The following EPS15 variants were observed in gnomAD, a reference collection of about 807,000 sequenced individuals.
EPS15 encodes the protein epidermal growth factor receptor pathway substrate 15, also known as epidermal growth factor receptor substrate 15.
A neutral mutation model predicts 113.8 loss-of-function variants in EPS15; 72 were observed. That is an observed-to-expected ratio of 0.63 (90% CI 0.52 to 0.77). The LOEUF is 0.77. Ranked by LOEUF, EPS15 falls within the 30% of genes least tolerant of loss-of-function variation. EPS15 has a pLI of 0.00. For synonymous variants in EPS15, 344 were observed against 363.4 expected (o/e 0.95, Z 0.61); for missense variants, 1,048 against 1,045.8 (o/e 1.00, Z -0.03).
At chr1:51,465,524 T>C (rs1654784315) in intron 5 of EPS15, among the ~76,000 whole-genome samples, 198 bp from the exon 6 acceptor site, 1 of 152,084 alleles carries the variant, frequency 6.6e-6, no homozygotes, top group Non-Finnish European at 1.5e-5. Flanking sequence ...TACTGTACCT[T>C]TTCTGGTTTT....
intron 1 of EPS15, among the ~76,000 whole-genome samples, chr1:51,516,576 G>T (rs1473569490): frequency 1.3e-5 from 2 of 152,142 alleles, no homozygotes; most frequent in Non-Finnish European, 2.9e-5. Flanking sequence ...GAGTTGAAGG[G>T]TTGGTTGGCA....
chr1:51,364,854 G>A (rs1035822321), intron 22 of EPS15, among the ~76,000 whole-genome samples: 1 of 145,716 alleles, frequency 6.9e-6, no homozygotes, highest in East Asian at 2.0e-4. Flanking sequence ...TTTTTTTTTT[G>A]AGACAAGGTC....
intron 21 of EPS15, among the ~76,000 whole-genome samples, chr1:51,375,297 G>A (rs1003742617): frequency 4.5e-4 from 68 of 152,202 alleles, no homozygotes; most frequent in Admixed American, 1.4e-3. Flanking sequence ...CACCGCGCCC[G>A]ACTATATTTA....
chr1:51,421,768 A>G lies in EPS15; in HGVS notation c.1113+18T>C. On this transcript the variant is annotated intron_variant, in intron 13 of 24. Coordinates refer to ENST00000371733, the MANE Select transcript of EPS15 (RefSeq NM_001981.3). ...GTCCTAAATCAGCAGTGGAACACTA[A>G]ATTTTATGGTCACTTACCTGAACCT... 1 of 1,506,496 alleles carries G rather than the reference A, an allele frequency of 6.6e-7. No homozygotes were observed. Among genetic ancestry groups the G allele is most frequent in the Non-Finnish European group, 9.0e-7 (1 of 1,111,232 alleles). 93.3% of individuals were successfully genotyped at this position (1,506,496 alleles called of 1,614,324 possible).
chr1:51,429,940 C>T (rs1303707495), intron 12 of EPS15, among the ~76,000 whole-genome samples: 1 of 152,002 alleles, frequency 6.6e-6, no homozygotes, highest in Non-Finnish European at 1.5e-5. Context: ...TGTGAGCCAT[C>T]GTGCCCAGCC....
At chr1:51,491,702 C>A (rs1036165165) in intron 1 of EPS15, among the ~76,000 whole-genome samples, 1 of 151,798 alleles carries the variant, frequency 6.6e-6, no homozygotes, top group African/African-American at 2.4e-5. Flanking sequence ...GGGTGGAGGG[C>A]GTGGTGGGGC....
intron 12 of EPS15, among the ~76,000 whole-genome samples, chr1:51,434,416 T>C (rs1196685383): frequency 6.6e-6 from 1 of 152,188 alleles, no homozygotes; most frequent in South Asian, 2.1e-4. Flanking sequence ...ACCCTGAGGA[T>C]ATTATGCTGA....
intron 21 of EPS15, among the ~76,000 whole-genome samples, chr1:51,392,862 G>GT (rs1341877854): frequency 2.0e-5 from 3 of 152,088 alleles, no homozygotes; most frequent in Non-Finnish European, 4.4e-5. Context: ...AATCATAAAC[G>GT]TATTAACCTT....
intron 8 of EPS15, 50 bp downstream of exon 8, chr1:51,461,041 T>C: frequency 5.8e-6 from 7 of 1,216,984 alleles, no homozygotes; most frequent in Non-Finnish European, 7.3e-6. Flanking sequence ...AATTTGCACA[T>C]GAGAAAATCA....
In EPS15 at chr1:51,400,952, A is replaced by G; in HGVS notation, c.1884T>C (p.Ser628=). The change falls in exon 19 of 25, where the codon AGT becomes AGC. Residue 628 remains serine, a splice_region_variant and synonymous_variant. Transcript: ENST00000371733. ...DFFQSDPFVG[S]DPFKDDPFGK... ...CAAAAGGATCATCCTTGAAAGGATC[A>G]CCTGTGATAAAATAAACACAAAGAA... The G allele has an allele frequency of 2.5e-6, 4 of 1,580,760 alleles. No individual in the cohort carries two copies. The highest frequency in any genetic ancestry group is 3.4e-6 in the Non-Finnish European group (4 of 1,160,858).
Position 51,357,401 on chromosome 1 carries a change from T to A in EPS15, c.2545-555A>T, listed in dbSNP as rs1173482570. On this transcript the variant is annotated intron_variant, in intron 24 of 24. Transcript: ENST00000371733. ...GAAAAAAAAAAAAAAAATATATATA[T>A]ATATATATATATATATATATATATA... Among the ~76,000 whole-genome samples the A allele has an allele frequency of 8.0e-3, 410 of 51,004 alleles. 2 individuals are homozygous for A. The highest frequency in any genetic ancestry group is 0.025 in the African/African-American group (217 of 8,750). The allele number at this position is 51,004 out of a possible 152,430, so 33.5% of individuals were successfully genotyped here.
chr1:51,423,025 A>C (rs1650907975), intron 12 of EPS15, among the ~76,000 whole-genome samples: 1 of 152,234 alleles, frequency 6.6e-6, no homozygotes, highest in Admixed American at 6.5e-5. Context: ...CTTAAGGGAC[A>C]ACTGCATGCT....
intron 4 of EPS15, 44 bp downstream of exon 4, chr1:51,471,646 T>C: frequency 1.4e-6 from 2 of 1,461,814 alleles, no homozygotes; most frequent in South Asian, 2.4e-5. Flanking sequence ...ATTTTTTATT[T>C]TGAATCACTC....
At chr1:51,461,757 C>T (rs1395408288) in intron 7 of EPS15, 3 of 152,010 alleles carry the variant, frequency 2.0e-5, no homozygotes. Context: ...TAAAAAATGG[C>T]ATTTAAATAA....
chr1:51,460,270 C>T (rs1472773882), intron 8 of EPS15, among the ~76,000 whole-genome samples: 1 of 152,184 alleles, frequency 6.6e-6, no homozygotes, highest in Non-Finnish European at 1.5e-5. Flanking sequence ...GATGAATTCA[C>T]AGCAAAGTTT....
chr1:51,408,249 C>T lies in EPS15; in HGVS notation c.1359G>A (p.Glu453=), dbSNP rs1349991381. The part of the protein sequence containing the change: ...YEEELAKARE[E]LSRLQQETAE... The stretch of plus-strand genomic sequence containing the variant: ...CTGTTTCTTGCTGTAGACGGCTCAG[C>T]TCTTCTCTAGCTTTTGCCAATTCTT... The change falls in exon 15 of 25, where the codon GAG becomes GAA. Residue 453 remains glutamate, a synonymous_variant. Coordinates refer to ENST00000371733, the MANE Select transcript of EPS15 (RefSeq NM_001981.3). 2 of 1,613,870 alleles carry T rather than the reference C, an allele frequency of 1.2e-6. No homozygotes were observed. Among genetic ancestry groups the T allele is most frequent in the African/African-American group, 2.7e-5 (2 of 74,926 alleles).
intron 22 of EPS15, 141 bp from the exon 23 acceptor site, chr1:51,364,169 C>T: frequency 3.2e-6 from 2 of 619,048 alleles, no homozygotes; most frequent in Non-Finnish European, 2.5e-6. Flanking sequence ...CCTTTGCATT[C>T]AGGGTCCAAT....
intron 12 of EPS15, among the ~76,000 whole-genome samples, chr1:51,438,366 G>C (rs917688013): frequency 1.3e-5 from 2 of 152,054 alleles, no homozygotes; most frequent in Admixed American, 6.6e-5. Flanking sequence ...ACTGCCACTG[G>C]TACAACTTAA....
intron 13 of EPS15, among the ~76,000 whole-genome samples, chr1:51,421,568 T>C (rs1207622446): frequency 6.6e-6 from 1 of 152,152 alleles, no homozygotes; most frequent in Non-Finnish European, 1.5e-5. Context: ...ACTAGAAATC[T>C]ATGCTGAAAA....
Sources: gnomAD v4.1 joint callset for allele counts (sites outside exome capture counted in the v4.1 genomes callset) on GRCh38, gnomAD v4.1.1 for gene constraint, MANE v1.5 for transcripts, NCBI Gene and HGNC (gene_info 2026-07-23, HGNC 2026-07-21) for gene names.